The following MYO7A variants were observed in gnomAD, a reference collection of about 807,000 sequenced individuals.
MYO7A encodes myosin VIIA.
MYO7A carries 210 observed loss-of-function variants against 263.8 expected under a neutral mutation model. The ratio of observed to expected loss-of-function variants is 0.80; its 90% confidence interval spans 0.71 to 0.89. The LOEUF (loss-of-function observed/expected upper bound fraction) is 0.89. Ranked by LOEUF, MYO7A falls within the 40% of genes least tolerant of loss-of-function variation. The pLI, the probability that MYO7A is intolerant of heterozygous loss-of-function variation, is 0.00. For missense variants in MYO7A, 2,820 were observed against 2,968.3 expected (o/e 0.95, Z 1.16); for synonymous variants, 1,239 against 1,197.3 (o/e 1.03, Z -0.72).
chr11:77,131,528 A>G (rs1435747168), intron 2 of MYO7A, among the ~76,000 whole-genome samples: 1 of 152,206 alleles, frequency 6.6e-6, no homozygotes, highest in Non-Finnish European at 1.5e-5. Context: ...TTGGCCTGAG[A>G]GCCTGTTCAA....
At chr11:77,151,381 G>A (rs1268318107) in intron 4 of MYO7A, among the ~76,000 whole-genome samples, 3 of 152,240 alleles carry the variant, frequency 2.0e-5, no homozygotes, top group African/African-American at 4.8e-5. Flanking sequence ...ACTGCATGGA[G>A]TGGGCACCTT....
At chr11:77,131,696 C>A (rs1414972144) in intron 2 of MYO7A, among the ~76,000 whole-genome samples, 4 of 152,230 alleles carry the variant, frequency 2.6e-5, no homozygotes, top group Admixed American at 2.0e-4. Flanking sequence ...CTCACCACCC[C>A]CTCCTCTCCT....
intron 38 of MYO7A, 135 bp downstream of exon 38, chr11:77,203,352 G>A: frequency 2.0e-6 from 2 of 1,023,094 alleles, no homozygotes; most frequent in South Asian, 1.7e-5. Flanking sequence ...CCCCTCCCTT[G>A]CACCTTTTGA....
At chr11:77,133,689 C>T (rs1162422094) in intron 2 of MYO7A, among the ~76,000 whole-genome samples, 4 of 152,124 alleles carry the variant, frequency 2.6e-5, no homozygotes, top group African/African-American at 9.7e-5. Context: ...ATCCATTCTG[C>T]CAGTCTTTAC....
chr11:77,212,882 T>C, intron 46 of MYO7A, 70 bp from the exon 47 acceptor site: 1 of 1,237,854 alleles, frequency 8.1e-7, no homozygotes. Context: ...GGGGCCAGGC[T>C]TCATTCCTGT....
At chr11:77,204,585 C>T (rs913466547) in intron 39 of MYO7A, among the ~76,000 whole-genome samples, 4 of 152,210 alleles carry the variant, frequency 2.6e-5, no homozygotes, top group Admixed American at 6.5e-5. Context: ...CAGGCTGGGC[C>T]GGCTGTCAGC....
intron 32 of MYO7A, among the ~76,000 whole-genome samples, chr11:77,196,775 C>T (rs1956698258): frequency 6.6e-6 from 1 of 152,096 alleles, no homozygotes; most frequent in South Asian, 2.1e-4. Context: ...GCATACACAT[C>T]CACCCTTACC....
At chr11:77,129,848 CG>C (rs1565290044) in intron 1 of MYO7A, among the ~76,000 whole-genome samples, 1 of 152,102 alleles carries the variant, frequency 6.6e-6, no homozygotes, top group African/African-American at 2.4e-5. Context: ...CAAGAGCTGG[CG>C]TATTTCAGGA....
At chr11:77,198,649 C>T (rs767849453) in intron 34 of MYO7A, 28 bp downstream of exon 34, 1 of 1,612,828 alleles carries the variant, frequency 6.2e-7, no homozygotes. Flanking sequence ...GAGATGCAGA[C>T]AGACAGAGGG....
rs1957390942 is a variant in MYO7A, at chr11:77,205,558, G to A, written c.5577G>A (p.Gln1859=). The A allele has an allele frequency of 6.2e-7, 1 of 1,612,752 alleles. No individual in the cohort carries two copies. The highest frequency in any genetic ancestry group is 1.3e-5 in the African/African-American group (1 of 75,030). The change falls in exon 40 of 49, where the codon CAG becomes CAA. Residue 1859 remains glutamine, a synonymous_variant. Coordinates refer to ENST00000409709, the MANE Select transcript of MYO7A (RefSeq NM_000260.4). The part of the protein sequence containing the change: ...ILLPHVQRFL[Q]SRKHCPLAID... The stretch of plus-strand genomic sequence containing the variant: ...TGCCCCACGTGCAGCGCTTCCTGCA[G>A]TCCCGAAAGCACTGCCCACTCGCCA...
intron 37 of MYO7A, among the ~76,000 whole-genome samples, chr11:77,202,786 C>T (rs1957160015): frequency 6.6e-6 from 1 of 151,550 alleles, no homozygotes; most frequent in African/African-American, 2.4e-5. Flanking sequence ...AGGCGTTGTG[C>T]ACTGAGCTCT....
At chr11:77,192,884 A>AGGTAGTGATGGTGTTGGTGATGGT (rs1956211352) in intron 31 of MYO7A, among the ~76,000 whole-genome samples, 1 of 3,892 alleles carries the variant, frequency 2.6e-4, no homozygotes, top group Non-Finnish European at 4.1e-4. Context: ...GTGATGGTGG[A>AGGTAGTGATGGTGTTGGTGATGGT]GGAGGTAGTG....
intron 46 of MYO7A, 79 bp from the exon 47 acceptor site, chr11:77,212,873 G>A: frequency 8.6e-7 from 1 of 1,162,732 alleles, no homozygotes; most frequent in Non-Finnish European, 1.3e-6. Context: ...ATCCCAGCTG[G>A]GGCCAGGCTT....
Position 77,162,196 on chromosome 11 carries a change from C to A in MYO7A, c.1420C>A (p.Gln474Lys). Residue 474 changes from glutamine to lysine, a missense_variant, in exon 13 of 49, where the codon CAG becomes AAG. Gln to Lys is a moderately conservative substitution (Grantham distance 53, BLOSUM62 1). Coordinates refer to ENST00000409709, the MANE Select transcript of MYO7A (RefSeq NM_000260.4). ...TGTGCGGCACGTGTTCAAGCTGGAG[C>A]AGGAGGAATATGACCTGGAGAGCAT... Reference protein sequence around the residue: ...FFVRHVFKLEQEEYDLESIDW... With the variant: ...FFVRHVFKLEKEEYDLESIDW... 1 of 1,596,120 alleles carries A rather than the reference C, an allele frequency of 6.3e-7. No individual in the cohort carries two copies. The highest frequency in any genetic ancestry group is 8.5e-7 in the Non-Finnish European group (1 of 1,170,994).
intron 46 of MYO7A, 109 bp from the exon 47 acceptor site, chr11:77,212,843 C>A (rs1957967187): frequency 2.2e-6 from 2 of 899,546 alleles, no homozygotes; most frequent in Non-Finnish European, 1.8e-6. Context: ...ACCACATAGG[C>A]AACAGGAGAG....
At chr11:77,175,630 A>G (rs1954584210) in intron 18 of MYO7A, among the ~76,000 whole-genome samples, 166 bp downstream of exon 18, 1 of 152,044 alleles carries the variant, frequency 6.6e-6, no homozygotes, top group Non-Finnish European at 1.5e-5. Context: ...CTGGTGGGGA[A>G]GGGTAATTTG....
In MYO7A at chr11:77,210,637, A is replaced by T. The variant is rs559097040; in HGVS notation, c.6052-515A>T. Among the ~76,000 whole-genome samples, 4 of 152,258 alleles carry T rather than the reference A, an allele frequency of 2.6e-5. No individual in the cohort carries two copies. The East Asian group carries it at 7.7e-4, about 29-fold the overall frequency. On this transcript the variant is annotated intron_variant, in intron 44 of 48. Transcript: ENST00000409709. ...GCAGCGCCAGCCCTTCAGAGGCTTC[A>T]TCTCTGCTCTGGGCCCATTCCCCAG... is the stretch of plus-strand genomic sequence containing the variant.
At position 77,193,053 on chromosome 11, in the gene MYO7A, T is replaced by C. The variant is rs868441455; in HGVS notation, c.4152+775T>C. Among the ~76,000 whole-genome samples, 6 of 122,564 alleles carry C rather than the reference T, an allele frequency of 4.9e-5. 1 individual carries two copies. The highest frequency in any genetic ancestry group is 1.1e-4 in the Non-Finnish European group (6 of 54,608). The allele number at this position is 122,564 out of a possible 152,430, so 80.4% of individuals were successfully genotyped here. A position where few individuals can be genotyped will look rare whatever the true frequency, so the allele number is the denominator to read the frequency against. The stretch of plus-strand genomic sequence containing the variant: ...GTGTTGTTGGTGATGGTGGAGGTGG[T>C]GATGGTGTTGGTGATGGTGGAGGTA... On this transcript the variant is annotated intron_variant, in intron 31 of 48. Transcript: ENST00000409709.
chr11:77,148,557 G>A (rs1328998130), intron 4 of MYO7A, among the ~76,000 whole-genome samples: 1 of 152,172 alleles, frequency 6.6e-6, no homozygotes, highest in East Asian at 1.9e-4. Context: ...GAAGAGCAGA[G>A]CAATAAGGGC....
Sources: gnomAD v4.1 joint callset for allele counts (sites outside exome capture counted in the v4.1 genomes callset) on GRCh38, gnomAD v4.1.1 for gene constraint, MANE v1.5 for transcripts, NCBI Gene and HGNC (gene_info 2026-07-23, HGNC 2026-07-21) for gene names.